The following GRIA1 variants were observed in gnomAD, a reference collection of about 807,000 sequenced individuals.
GRIA1 encodes glutamate ionotropic receptor AMPA type subunit 1.
A neutral mutation model predicts 99.2 loss-of-function variants in GRIA1; 31 were observed. That is an observed-to-expected ratio of 0.31 (90% CI 0.23 to 0.42). The LOEUF (loss-of-function observed/expected upper bound fraction) is 0.42, where lower values mean the gene tolerates loss of function less well. GRIA1 is among the 10% of genes least tolerant of loss of function. The pLI, the probability that GRIA1 is intolerant of heterozygous loss-of-function variation, is 1.00. For synonymous variants in GRIA1, 438 were observed against 432.4 expected, an observed-to-expected ratio of 1.01 and a Z score of -0.16; for missense variants, 782 against 1,157.5, an observed-to-expected ratio of 0.68 and a Z score of 4.71.
intron 7 of GRIA1, 133 bp downstream of exon 7, chr5:153,677,294 G>A (rs998143236): frequency 3.2e-6 from 2 of 627,516 alleles, no homozygotes; most frequent in Non-Finnish European, 4.6e-6. Context: ...CTGCATTGTT[G>A]GTGTTGGTGG....
intron 8 of GRIA1, among the ~76,000 whole-genome samples, chr5:153,687,734 C>T (rs1470655712): frequency 5.9e-5 from 9 of 152,162 alleles, no homozygotes; most frequent in South Asian, 2.1e-4. Context: ...GTCCACTCTC[C>T]GTCCTCACCT....
chr5:153,563,613 A>G lies in GRIA1; in HGVS notation c.220+69548A>G, dbSNP rs527452046. Reference sequence around the variant, plus strand: ...TGCTTCCACCTCCCACTGACAGTGTATGCTTTCCATCAAATATGTGTAATA... The same window carrying G: ...TGCTTCCACCTCCCACTGACAGTGTGTGCTTTCCATCAAATATGTGTAATA... On this transcript the variant is annotated intron_variant, in intron 2 of 15. Coordinates refer to ENST00000285900, the MANE Select transcript of GRIA1 (RefSeq NM_000827.4). Among the ~76,000 whole-genome samples the G allele has an allele frequency of 1.6e-4, 24 of 152,324 alleles. No homozygotes were observed. In the South Asian group the frequency reaches 4.3e-3, roughly 28 times the overall value.
rs182387037 is a variant in GRIA1, at chr5:153,543,846, C to T, written c.220+49781C>T. 4.6e-5 allele frequency among the ~76,000 whole-genome samples: 7 copies of T among 152,204 alleles called. No individual in the cohort carries two copies. The East Asian group carries it at 1.4e-3, about 29-fold the overall frequency. ...AGGCACTAGAATATAGTGGGCAAAA[C>T]AAACTAAAGTGCCTGCCCTCAGTGA... On this transcript the variant is annotated intron_variant, in intron 2 of 15. Coordinates refer to ENST00000285900, the MANE Select transcript of GRIA1 (RefSeq NM_000827.4).
chr5:153,745,452 G>T (rs1047992708), intron 11 of GRIA1, among the ~76,000 whole-genome samples: 1 of 151,930 alleles, frequency 6.6e-6, no homozygotes, highest in Non-Finnish European at 1.5e-5. Flanking sequence ...AGCTGGGTGT[G>T]GTTGTGCATG....
At chr5:153,762,981 T>C (rs1331088065) in intron 11 of GRIA1, among the ~76,000 whole-genome samples, 3 of 152,226 alleles carry the variant, frequency 2.0e-5, no homozygotes, top group Admixed American at 6.5e-5. Context: ...AAATGTTCCT[T>C]GTTCCTGCAA....
chr5:153,809,987 T>C (rs1766705828), intron 15 of GRIA1, among the ~76,000 whole-genome samples: 1 of 152,194 alleles, frequency 6.6e-6, no homozygotes, highest in African/African-American at 2.4e-5. Context: ...TGATTGTTTC[T>C]TAATGGAAAG....
chr5:153,716,786 G>C (rs150033320), intron 11 of GRIA1, among the ~76,000 whole-genome samples: 4 of 152,194 alleles, frequency 2.6e-5, no homozygotes, highest in Admixed American at 1.3e-4. Context: ...AGAAAATGAG[G>C]AAATAGAGTC....
At chr5:153,690,169 C>T (rs982735630) in intron 8 of GRIA1, among the ~76,000 whole-genome samples, 1 of 152,024 alleles carries the variant, frequency 6.6e-6, no homozygotes, top group Non-Finnish European at 1.5e-5. Context: ...CCTCTCCAAC[C>T]CACAGATTTT....
chr5:153,625,957 C>G (rs1052154013), intron 2 of GRIA1, among the ~76,000 whole-genome samples: 1 of 152,148 alleles, frequency 6.6e-6, no homozygotes, highest in African/African-American at 2.4e-5. Context: ...CAAAGCTTAG[C>G]GATCTGGTGC....
chr5:153,586,643 G>C (rs1024021787), intron 2 of GRIA1, among the ~76,000 whole-genome samples: 1 of 152,140 alleles, frequency 6.6e-6, no homozygotes, highest in Non-Finnish European at 1.5e-5. Context: ...CAGAGACCTC[G>C]GTGAGTGAGA....
At chr5:153,630,403 C>T (rs1752860027) in intron 2 of GRIA1, among the ~76,000 whole-genome samples, 1 of 152,164 alleles carries the variant, frequency 6.6e-6, no homozygotes, top group South Asian at 2.1e-4. Flanking sequence ...ATGTTTATTA[C>T]TGCGTGGCTG....
intron 5 of GRIA1, among the ~76,000 whole-genome samples, chr5:153,658,887 C>T (rs987268937): frequency 1.3e-5 from 2 of 152,088 alleles, no homozygotes; most frequent in Non-Finnish European, 2.9e-5. Flanking sequence ...GTTCAAATAG[C>T]CACCTTTGAA....
intron 14 of GRIA1, among the ~76,000 whole-genome samples, chr5:153,799,741 G>A (rs1258949951): frequency 6.6e-6 from 1 of 152,124 alleles, no homozygotes; most frequent in African/African-American, 2.4e-5. Flanking sequence ...TGTCCTCTTT[G>A]TAAAGGATGT....
At chr5:153,809,649 C>CA (rs1766676004) in intron 15 of GRIA1, among the ~76,000 whole-genome samples, 1 of 152,166 alleles carries the variant, frequency 6.6e-6, no homozygotes, top group Non-Finnish European at 1.5e-5. Flanking sequence ...TAGACAAATT[C>CA]AAAAGCATCA....
At chr5:153,528,137 C>CT (rs148547785) in intron 2 of GRIA1, among the ~76,000 whole-genome samples, 7,695 of 152,170 alleles carry the variant, frequency 0.051, 264 homozygotes, top group Non-Finnish European at 0.076. Flanking sequence ...GTAGAGTGGA[C>CT]TATGTGTGTT....
At chr5:153,495,249 T>C (rs531391645) in intron 2 of GRIA1, among the ~76,000 whole-genome samples, 4 of 152,382 alleles carry the variant, frequency 2.6e-5, no homozygotes, top group East Asian at 3.9e-4. Flanking sequence ...TACCATGTAT[T>C]AAGCACTGAC....
intron 13 of GRIA1, among the ~76,000 whole-genome samples, chr5:153,779,524 C>A (rs923290478): frequency 6.6e-6 from 1 of 152,152 alleles, no homozygotes; most frequent in Admixed American, 6.6e-5. Context: ...ATCACAAAGA[C>A]AAATGGGCAG....
chr5:153,626,960 T>C (rs1767689234), intron 2 of GRIA1, among the ~76,000 whole-genome samples: 1 of 152,170 alleles, frequency 6.6e-6, no homozygotes, highest in Admixed American at 6.5e-5. Context: ...CTGATAAAGA[T>C]GCTCTCTAAA....
At chr5:153,727,040 G>A (rs1320769644) in intron 11 of GRIA1, among the ~76,000 whole-genome samples, 1 of 152,112 alleles carries the variant, frequency 6.6e-6, no homozygotes, top group Non-Finnish European at 1.5e-5. Context: ...TATCCACCAT[G>A]ATCAAGTGGG....
Sources: allele counts gnomAD v4.1 joint callset (sites outside exome capture counted in the v4.1 genomes callset), GRCh38; gene constraint gnomAD v4.1.1; transcripts MANE v1.5; gene names NCBI Gene and HGNC (gene_info 2026-07-23, HGNC 2026-07-21).